ASXL1: variants seen among roughly 807,000 people sequenced by gnomAD.
ASXL1 encodes polycomb group protein ASXL1.
Under a neutral mutation model 89.1 loss-of-function variants are expected in ASXL1, and 65 were observed. The observed-to-expected ratio is 0.73, with a 90% CI of 0.60 to 0.90. The LOEUF (loss-of-function observed/expected upper bound fraction) is 0.90, where lower values mean the gene tolerates loss of function less well. Among genes scored for constraint, ASXL1 ranks in the 40% least tolerant of loss-of-function variants. The probability of loss-of-function intolerance (pLI) is 0.00; values close to 1 mark genes in which losing one functional copy is unlikely to be tolerated. For missense variants in ASXL1, 1,786 were observed against 1,942.9 expected (o/e 0.92, Z 1.52); for synonymous variants, 739 against 746.9 (o/e 0.99, Z 0.17).
chr20:32,366,974 T>C (rs2048214948), intron 2 of ASXL1, among the ~76,000 whole-genome samples: 1 of 152,074 alleles, frequency 6.6e-6, no homozygotes, highest in African/African-American at 2.4e-5. Context: ...AAATTTATGG[T>C]GTAGTTTTCC....
intron 4 of ASXL1, among the ~76,000 whole-genome samples, chr20:32,419,646 T>G (rs1437735346): frequency 6.6e-6 from 1 of 152,034 alleles, no homozygotes; most frequent in Non-Finnish European, 1.5e-5. Context: ...TATTTTTGTT[T>G]TCTTTTTTCT....
chr20:32,421,841 T>G (rs531356369), intron 4 of ASXL1, among the ~76,000 whole-genome samples: 1 of 149,524 alleles, frequency 6.7e-6, no homozygotes, highest in Non-Finnish European at 1.5e-5. Flanking sequence ...ATTGCCTTCG[T>G]GGGGTGAGAG....
chr20:32,372,406 G>T (rs1220256695), intron 4 of ASXL1: 4 of 1,113,012 alleles, frequency 3.6e-6, no homozygotes, highest in Admixed American at 4.7e-5. Flanking sequence ...TCTGATATTC[G>T]TTGTGCTCTT....
chr20:32,413,072 A>C (rs973171349), intron 4 of ASXL1, among the ~76,000 whole-genome samples: 21 of 152,196 alleles, frequency 1.4e-4, no homozygotes, highest in African/African-American at 5.1e-4. Context: ...CATGCAGCTG[A>C]GAAGAAAATG....
intron 4 of ASXL1, among the ~76,000 whole-genome samples, chr20:32,381,518 T>C (rs2048485254): frequency 1.3e-5 from 2 of 149,792 alleles, no homozygotes; most frequent in South Asian, 2.2e-4. Context: ...AAAATCTTTT[T>C]TTTTTTTTTT....
In ASXL1 at chr20:32,436,705, A is replaced by G. The variant is rs1412729812; in HGVS notation, c.3993A>G (p.Pro1331=). 18 of 1,613,828 alleles carry G rather than the reference A, an allele frequency of 1.1e-5. No individual in the cohort carries two copies. Among genetic ancestry groups the G allele is most frequent in the Non-Finnish European group, 1.5e-5 (18 of 1,180,030 alleles). The part of the protein sequence containing the change: ...DPMPLPAEIP[P]VFPSGKLGPS... ...TGCCTCTTCCTGCTGAGATCCCTCC[A>G]GTTTTTCCCAGTGGGAAGTTGGGAC... is the stretch of plus-strand genomic sequence containing the variant. The change falls in exon 13 of 13, where the codon CCA becomes CCG. Residue 1331 remains proline (P), a synonymous_variant. Transcript: ENST00000375687.
chr20:32,377,382 T>C lies in ASXL1; in HGVS notation c.252+8259T>C, dbSNP rs571713149. On this transcript the variant is annotated intron_variant, in intron 4 of 12. Transcript: ENST00000375687. Reference sequence around the variant, plus strand: ...GGAAACATTTGTGTGGACTTACCTATGATTGTCAGGTTTACTGATTTGCTG... The same window carrying C: ...GGAAACATTTGTGTGGACTTACCTACGATTGTCAGGTTTACTGATTTGCTG... Among the ~76,000 whole-genome samples, 6 of 151,982 alleles carry C rather than the reference T, an allele frequency of 3.9e-5. 1 individual carries two copies. The South Asian group carries it at 1.2e-3, about 32-fold the overall frequency.
chr20:32,364,232 T>C (rs1254232131), intron 1 of ASXL1, among the ~76,000 whole-genome samples: 1 of 152,172 alleles, frequency 6.6e-6, no homozygotes, highest in East Asian at 1.9e-4. Flanking sequence ...TTACTATTTT[T>C]TGAGACAGGG....
Position 32,437,581 on chromosome 20 carries a change from A to C in ASXL1, c.*243A>C. On this transcript the variant is annotated 3_prime_UTR_variant, in exon 13 of 13. Transcript: ENST00000375687. ...GGCCAGCCAGCCTGAGCTCTCCTGCAAGACAGAGCCTGATGTGGCACGGAG... is the reference window on the plus strand; with the variant it reads ...GGCCAGCCAGCCTGAGCTCTCCTGCCAGACAGAGCCTGATGTGGCACGGAG... 1 of 579,202 alleles carries C rather than the reference A, an allele frequency of 1.7e-6. No homozygotes were observed. The highest frequency in any genetic ancestry group is 1.9e-5 in the African/African-American group (1 of 53,674). 35.9% of individuals were successfully genotyped at this position (579,202 alleles called of 1,614,324 possible). A position where few individuals can be genotyped will look rare whatever the true frequency, so the allele number is the denominator to read the frequency against.
chr20:32,359,269 G>C, intron 1 of ASXL1: 4 of 702,410 alleles, frequency 5.7e-6, no homozygotes, highest in Non-Finnish European at 7.8e-6. Flanking sequence ...TTGACTCCGG[G>C]GGTGGAAAAG....
At chr20:32,381,616 A>T (rs956971469) in intron 4 of ASXL1, among the ~76,000 whole-genome samples, 2 of 147,718 alleles carry the variant, frequency 1.4e-5, no homozygotes, top group African/African-American at 5.0e-5. Context: ...CCGGGTTCAC[A>T]CCATTCTCCT....
Position 32,434,795 on chromosome 20 carries a change from C to CT in ASXL1, c.2083_2084insT (p.Gln695LeufsTer23). ...GTGTACGTCAGATCTACAGCGAACA[C>CT]AACTACTGCCGCCTTATCCTCTAAA... is the stretch of plus-strand genomic sequence containing the variant. On this transcript the variant is annotated frameshift_variant, in exon 13 of 13. Transcript: ENST00000375687. LOFTEE classifies it low-confidence loss of function (END_TRUNC). 6.2e-7 allele frequency: 1 copy of CT among 1,613,998 alleles called. No individual in the cohort carries two copies. Among genetic ancestry groups the CT allele is most frequent in the Non-Finnish European group, 8.5e-7 (1 of 1,180,022 alleles).
chr20:32,401,155 A>T (rs975158143), intron 4 of ASXL1, among the ~76,000 whole-genome samples: 3 of 152,362 alleles, frequency 2.0e-5, no homozygotes, highest in African/African-American at 7.2e-5. Flanking sequence ...ACTAAACCTC[A>T]TGCCTTATTT....
At chr20:32,404,972 T>A (rs2048931816) in intron 4 of ASXL1, among the ~76,000 whole-genome samples, 1 of 152,232 alleles carries the variant, frequency 6.6e-6, no homozygotes, top group Admixed American at 6.5e-5. Flanking sequence ...TACTGACCAT[T>A]TTATCATCTT....
intron 4 of ASXL1, among the ~76,000 whole-genome samples, chr20:32,423,903 A>G (rs963843316): frequency 5.9e-5 from 9 of 152,224 alleles, no homozygotes; most frequent in Admixed American, 6.5e-5. Context: ...TGTCTGTACA[A>G]TAAAAATTAT....
chr20:32,372,030 C>T (rs2048307920), intron 4 of ASXL1: 1 of 1,151,634 alleles, frequency 8.7e-7, no homozygotes, highest in Non-Finnish European at 1.2e-6. Context: ...AGGATAATTA[C>T]TTTTTTCTAT....
intron 1 of ASXL1, chr20:32,360,110 C>G: frequency 3.1e-6 from 1 of 321,390 alleles, no homozygotes; most frequent in Non-Finnish European, 5.8e-6. Flanking sequence ...TGACACAAAC[C>G]TGAAGTACAC....
intron 4 of ASXL1, among the ~76,000 whole-genome samples, chr20:32,382,365 G>T (rs981666161): frequency 1.3e-5 from 2 of 151,818 alleles, no homozygotes; most frequent in African/African-American, 4.8e-5. Context: ...GCCATAATCT[G>T]GTTCGTTGTA....
intron 5 of ASXL1, 33 bp downstream of exon 5, chr20:32,428,281 C>T (rs770541258): frequency 2.5e-6 from 4 of 1,614,166 alleles, no homozygotes; most frequent in Non-Finnish European, 3.4e-6. Context: ...GTGAGGGAGC[C>T]ACAGCAGGCA....
Sources: gnomAD v4.1 joint callset for allele counts (sites outside exome capture counted in the v4.1 genomes callset) on GRCh38, gnomAD v4.1.1 for gene constraint, MANE v1.5 for transcripts, NCBI Gene and HGNC (gene_info 2026-07-23, HGNC 2026-07-21) for gene names.